Variants in HDAC9 observed in about 807,000 individuals in gnomAD.
HDAC9 encodes the protein MEF-2 interacting transcription repressor (MITR) protein.
In HDAC9, 41 loss-of-function variants were observed where a neutral mutation model predicts 139.4. The ratio of observed to expected loss-of-function variants is 0.29; its 90% CI spans 0.23 to 0.38. The LOEUF is 0.38. Ranked by LOEUF, HDAC9 falls within the 10% of genes least tolerant of loss-of-function variation. The probability of loss-of-function intolerance (pLI) is 1.00; values close to 1 mark genes in which losing one functional copy is unlikely to be tolerated. For missense variants in HDAC9, 1,147 were observed against 1,297.0 expected (o/e 0.88, Z 1.78); for synonymous variants, 517 against 476.2 (o/e 1.09, Z -1.12).
intron 22 of HDAC9, among the ~76,000 whole-genome samples, chr7:18,876,422 A>G (rs1333464046): frequency 1.3e-5 from 2 of 152,132 alleles, no homozygotes; most frequent in Non-Finnish European, 2.9e-5. Flanking sequence ...AATCAAGCAG[A>G]CATATTTTAA....
intron 2 of HDAC9, among the ~76,000 whole-genome samples, chr7:18,246,457 C>G (rs1794532802): frequency 6.6e-6 from 1 of 152,028 alleles, no homozygotes; most frequent in African/African-American, 2.4e-5. Context: ...TGCCTAGTTC[C>G]AGAACATTTT....
intron 19 of HDAC9, among the ~76,000 whole-genome samples, chr7:18,834,397 G>A (rs1048530511): frequency 4.8e-5 from 7 of 146,230 alleles, no homozygotes; most frequent in African/African-American, 1.8e-4. Flanking sequence ...TTTTACACTT[G>A]AGGTCTTTCA....
chr7:18,952,374 A>G (rs1191372742), intron 23 of HDAC9, among the ~76,000 whole-genome samples: 1 of 151,948 alleles, frequency 6.6e-6, no homozygotes, highest in African/African-American at 2.4e-5. Context: ...TGATCTGCCT[A>G]TAGCTTTCTT....
intron 6 of HDAC9, among the ~76,000 whole-genome samples, chr7:18,622,163 T>C (rs983597060): frequency 6.6e-6 from 1 of 152,146 alleles, no homozygotes; most frequent in African/African-American, 2.4e-5. Flanking sequence ...GTGGAGAAGT[T>C]GACAGATATC....
chr7:18,186,992 C>G (rs185309324), intron 2 of HDAC9, among the ~76,000 whole-genome samples: 80 of 152,258 alleles, frequency 5.3e-4, no homozygotes, highest in African/African-American at 1.9e-3. Context: ...GTTCAAAACC[C>G]CTAGGCATTT....
chr7:18,538,836 T>C (rs1331699522), intron 2 of HDAC9, among the ~76,000 whole-genome samples: 1 of 152,178 alleles, frequency 6.6e-6, no homozygotes, highest in Non-Finnish European at 1.5e-5. Flanking sequence ...CTGGAGACTG[T>C]GTAATTTATA....
At chr7:18,592,797 A>T (rs562532353) in intron 5 of HDAC9, among the ~76,000 whole-genome samples, 7 of 152,162 alleles carry the variant, frequency 4.6e-5, no homozygotes, top group Non-Finnish European at 1.0e-4. Context: ...TTCAATCAAT[A>T]TCACGAATGA....
At chr7:18,714,149 G>A (rs1784539438) in intron 12 of HDAC9, among the ~76,000 whole-genome samples, 1 of 152,194 alleles carries the variant, frequency 6.6e-6, no homozygotes, top group South Asian at 2.1e-4. Context: ...TTTGTAAAGT[G>A]GTAGAGCTGG....
At chr7:18,617,654 C>A (rs1407758675) in intron 6 of HDAC9, among the ~76,000 whole-genome samples, 1 of 152,132 alleles carries the variant, frequency 6.6e-6, no homozygotes, top group Non-Finnish European at 1.5e-5. Flanking sequence ...TATCTCTGTG[C>A]ATATATCTCT....
chr7:18,547,361 G>A (rs990582939), intron 2 of HDAC9, among the ~76,000 whole-genome samples: 12 of 152,028 alleles, frequency 7.9e-5, no homozygotes, highest in African/African-American at 2.9e-4. Context: ...TCAGCCTCCC[G>A]AGTAGCTGGG....
chr7:18,204,574 A>G lies in HDAC9; in HGVS notation c.25+42225A>G, dbSNP rs553938497. Among the ~76,000 whole-genome samples the G allele has an allele frequency of 2.0e-5, 3 of 152,056 alleles. No individual in the cohort carries two copies. In the East Asian group the frequency reaches 5.8e-4, roughly 29 times the overall value. On this transcript the variant is annotated intron_variant, in intron 2 of 12. Transcript: ENST00000417496. ...TGATCGTTGTTGCTTTTTTAAAATAATTTTTTGTATTTATTCAATAAATAT... is the reference window on the plus strand; with the variant it reads ...TGATCGTTGTTGCTTTTTTAAAATAGTTTTTTGTATTTATTCAATAAATAT...
intron 24 of HDAC9, among the ~76,000 whole-genome samples, chr7:18,970,722 C>G (rs891673026): frequency 6.6e-6 from 1 of 151,978 alleles, no homozygotes; most frequent in African/African-American, 2.4e-5. Context: ...AAGGAGATAG[C>G]AAGAGGTTAA....
intron 2 of HDAC9, among the ~76,000 whole-genome samples, chr7:18,500,571 A>G (rs943475056): frequency 1.3e-5 from 2 of 152,198 alleles, no homozygotes; most frequent in Admixed American, 1.3e-4. Context: ...AAGATTCCCA[A>G]ATCTGAAGAG....
intron 2 of HDAC9, among the ~76,000 whole-genome samples, chr7:18,270,675 T>C (rs541811890): frequency 9.2e-5 from 14 of 151,914 alleles, no homozygotes; most frequent in Non-Finnish European, 1.6e-4. Context: ...GAAAAAAGAG[T>C]AGGAGGAAAA....
chr7:18,173,654 A>G (rs1283647813), intron 2 of HDAC9, among the ~76,000 whole-genome samples: 1 of 152,100 alleles, frequency 6.6e-6, no homozygotes, highest in Non-Finnish European at 1.5e-5. Context: ...CCAGGTGGTG[A>G]CAGAATCTCT....
At chr7:18,874,445 C>T (rs1799168850) in intron 21 of HDAC9, 33 bp from the exon 22 acceptor site, 2 of 1,361,698 alleles carry the variant, frequency 1.5e-6, no homozygotes, top group Non-Finnish European at 2.1e-6. Flanking sequence ...TTCACCAGTC[C>T]CACGTGTGAC....
intron 10 of HDAC9, 89 bp downstream of exon 10, chr7:18,648,087 A>T: frequency 9.7e-7 from 1 of 1,030,854 alleles, no homozygotes; most frequent in Admixed American, 2.3e-5. Flanking sequence ...CAAGACCCTG[A>T]TGGAGATCCA....
intron 2 of HDAC9, among the ~76,000 whole-genome samples, chr7:18,545,797 A>G (rs1814598557): frequency 6.6e-6 from 1 of 152,202 alleles, no homozygotes; most frequent in African/African-American, 2.4e-5. Flanking sequence ...AGAGAATTAT[A>G]TGTTAAGTGG....
intron 12 of HDAC9, among the ~76,000 whole-genome samples, chr7:18,717,316 G>T (rs1237726002): frequency 6.6e-6 from 1 of 152,146 alleles, no homozygotes; most frequent in Non-Finnish European, 1.5e-5. Context: ...TCCATAGCTA[G>T]GGAGAAGGGG....
Sources: gnomAD v4.1 joint callset for allele counts (sites outside exome capture counted in the v4.1 genomes callset) on GRCh38, gnomAD v4.1.1 for gene constraint, MANE v1.5 for transcripts, NCBI Gene and HGNC (gene_info 2026-07-23, HGNC 2026-07-21) for gene names.